Variants in PRKD1 observed in about 807,000 individuals in gnomAD.
PRKD1 encodes the protein serine/threonine-protein kinase D1.
In PRKD1, 63 loss-of-function variants were observed where a neutral mutation model predicts 95.9. The ratio of observed to expected loss-of-function variants is 0.66; its 90% CI spans 0.54 to 0.81. The LOEUF (loss-of-function observed/expected upper bound fraction) is 0.81, where lower values mean the gene tolerates loss of function less well. Ranked by LOEUF, PRKD1 falls within the 30% of genes least tolerant of loss-of-function variation. The probability of loss-of-function intolerance (pLI) is 0.00; values close to 1 mark genes in which losing one functional copy is unlikely to be tolerated. For synonymous variants in PRKD1, 425 were observed against 423.1 expected (o/e 1.00, Z -0.05); for missense variants, 1,048 against 1,165.3 (o/e 0.90, Z 1.47).
intron 2 of PRKD1, among the ~76,000 whole-genome samples, chr14:29,719,789 C>T (rs1039984870): frequency 1.3e-5 from 2 of 152,176 alleles, no homozygotes; most frequent in Admixed American, 1.3e-4. Flanking sequence ...TCTTCCCCCT[C>T]TGTGCAGAGA....
chr14:29,728,043 G>A (rs1177824152), intron 1 of PRKD1, among the ~76,000 whole-genome samples: 3 of 152,052 alleles, frequency 2.0e-5, no homozygotes, highest in Admixed American at 1.3e-4. Context: ...ATAGCATTGG[G>A]AGATATACCT....
intron 1 of PRKD1, among the ~76,000 whole-genome samples, chr14:29,828,470 C>T (rs1157298058): frequency 6.6e-6 from 1 of 152,102 alleles, no homozygotes; most frequent in Non-Finnish European, 1.5e-5. Context: ...CCACCTCTAA[C>T]ATAGAGGTCA....
intron 1 of PRKD1, among the ~76,000 whole-genome samples, chr14:29,915,328 C>T (rs928981702): frequency 2.0e-5 from 3 of 152,052 alleles, no homozygotes; most frequent in African/African-American, 7.2e-5. Context: ...AATTTTGTTA[C>T]CAGAGGAGCA....
chr14:29,917,565 TTC>T (rs34387724), intron 1 of PRKD1, among the ~76,000 whole-genome samples: 1,908 of 152,324 alleles, frequency 0.013, 45 homozygotes, highest in African/African-American at 0.044. Context: ...AGAAATACGT[TTC>T]TGTTTGTGAC....
chr14:29,826,848 T>TATATATACATATATATATACAC lies in PRKD1; in HGVS notation c.264+100400_264+100401insGTGTATATATATATGTATATAT, dbSNP rs1566623234. Among the ~76,000 whole-genome samples, 10 of 68,582 alleles carry TATATATACATATATATATACAC rather than the reference T, an allele frequency of 1.5e-4. 3 individuals carry two copies. The highest frequency in any genetic ancestry group is 8.3e-4 in the African/African-American group (10 of 12,028). The allele number at this position is 68,582 out of a possible 152,430, so 45.0% of individuals were successfully genotyped here. Reference sequence around the variant, plus strand: ...ATATATATATATATATACACACATATATATATATATATATATATATATATA... The same window carrying TATATATACATATATATATACAC: ...ATATATATATATATATACACACATATATATATACATATATATATACACATATATATATATATATATATATATA... On this transcript the variant is annotated intron_variant, in intron 1 of 17. Transcript: ENST00000331968.
chr14:29,798,820 T>C (rs1481138811), intron 1 of PRKD1, among the ~76,000 whole-genome samples: 1 of 152,250 alleles, frequency 6.6e-6, no homozygotes, highest in Non-Finnish European at 1.5e-5. Flanking sequence ...GGAGGAAATC[T>C]TGATTCACAA....
At chr14:29,811,227 T>A (rs1594539794) in intron 1 of PRKD1, among the ~76,000 whole-genome samples, 1 of 152,184 alleles carries the variant, frequency 6.6e-6, no homozygotes, top group Non-Finnish European at 1.5e-5. Flanking sequence ...CTACTTGACA[T>A]CCTTCAGGCA....
At chr14:29,699,354 T>C (rs1184332714) in intron 2 of PRKD1, among the ~76,000 whole-genome samples, 1 of 152,222 alleles carries the variant, frequency 6.6e-6, no homozygotes, top group Non-Finnish European at 1.5e-5. Context: ...TTTTTGACTG[T>C]CTGCTAGGTG....
intron 2 of PRKD1, among the ~76,000 whole-genome samples, chr14:29,723,153 A>C (rs1885979769): frequency 6.6e-6 from 1 of 152,216 alleles, no homozygotes; most frequent in South Asian, 2.1e-4. Flanking sequence ...ACCAAGGATG[A>C]ATGAGTACTT....
intron 2 of PRKD1, among the ~76,000 whole-genome samples, chr14:29,689,521 G>A (rs1392131164): frequency 6.6e-6 from 1 of 152,156 alleles, no homozygotes; most frequent in Non-Finnish European, 1.5e-5. Context: ...TACACTATTA[G>A]TAGAAATATA....
rs45532940 is a variant in PRKD1, at chr14:29,584,146, T to A, written c.2435-5786A>T. ...TTATGTTCTAATATGAAAAGAAGCA[T>A]TCCATCAGAATATGATATAGATTCC... is the stretch of plus-strand genomic sequence containing the variant. On this transcript the variant is annotated intron_variant, in intron 16 of 17. Transcript: ENST00000331968. 4.9e-3 allele frequency among the ~76,000 whole-genome samples: 747 copies of A among 152,330 alleles called. 3 individuals carry two copies. Among genetic ancestry groups the A allele is most frequent in the Middle Eastern group, 0.024 (7 of 294 alleles).
In PRKD1 at chr14:29,676,700, G is replaced by A. The variant is rs553743838; in HGVS notation, c.404-10492C>T. 9.9e-5 allele frequency among the ~76,000 whole-genome samples: 15 copies of A among 152,234 alleles called. No individual in the cohort carries two copies. The East Asian group carries it at 1.2e-3, about 12-fold the overall frequency. On this transcript the variant is annotated intron_variant, in intron 2 of 17. Transcript: ENST00000331968. ...AGTACAAGGTGCAGCTGAGAAAACC[G>A]AGATATTAAGGTAGGGGTGGATGAA...
At chr14:29,888,514 T>C (rs1314045620) in intron 1 of PRKD1, among the ~76,000 whole-genome samples, 1 of 152,124 alleles carries the variant, frequency 6.6e-6, no homozygotes, top group East Asian at 1.9e-4. Flanking sequence ...TGTATTTTAA[T>C]AAAGAAATAT....
chr14:29,868,097 A>C (rs1020315927), intron 1 of PRKD1, among the ~76,000 whole-genome samples: 2 of 152,172 alleles, frequency 1.3e-5, no homozygotes, highest in African/African-American at 4.8e-5. Context: ...CCTCGACTTC[A>C]ATAACAGTCT....
intron 1 of PRKD1, among the ~76,000 whole-genome samples, chr14:29,825,932 G>T (rs1171150862): frequency 4.6e-5 from 7 of 151,738 alleles, no homozygotes; most frequent in African/African-American, 7.3e-5. Flanking sequence ...TAAAACCAAG[G>T]CTTCTTGAGA....
chr14:29,601,387 C>A (rs1431406434), intron 13 of PRKD1, among the ~76,000 whole-genome samples: 2 of 152,190 alleles, frequency 1.3e-5, no homozygotes, highest in South Asian at 2.1e-4. Context: ...AATCATACAG[C>A]ATAATGGAGT....
Position 29,711,228 on chromosome 14 carries a change from T to A in PRKD1, c.403+14308A>T, listed in dbSNP as rs539736614. On this transcript the variant is annotated intron_variant, in intron 2 of 17. Coordinates refer to ENST00000331968, the MANE Select transcript of PRKD1 (RefSeq NM_002742.3). ...TCATTAAAATTTTATAACAATGTTA[T>A]AACATGTTAGAAAGTCCAATGTATT... Among the ~76,000 whole-genome samples, 115 of 152,294 alleles carry A rather than the reference T, an allele frequency of 7.6e-4. 1 individual carries two copies. Among genetic ancestry groups the A allele is most frequent in the African/African-American group, 2.6e-3 (109 of 41,568 alleles).
At position 29,759,781 on chromosome 14, in the gene PRKD1, C is replaced by T. The variant is rs559531000; in HGVS notation, c.265-34107G>A. Among the ~76,000 whole-genome samples the T allele has an allele frequency of 2.6e-5, 4 of 152,188 alleles. 1 individual carries two copies. In the East Asian group the frequency reaches 7.7e-4, roughly 29 times the overall value. The stretch of plus-strand genomic sequence containing the variant: ...TCATCAGGCTCATCTAAATGAAAGC[C>T]TTAGATGAAAGTGAAAAATCGTCAA... On this transcript the variant is annotated intron_variant, in intron 1 of 17. Transcript: ENST00000331968.
chr14:29,609,714 A>ATTT (rs61293890), intron 13 of PRKD1, among the ~76,000 whole-genome samples: 22 of 132,050 alleles, frequency 1.7e-4, no homozygotes, highest in South Asian at 1.4e-3. Flanking sequence ...CTATTTCTTT[A>ATTT]TTTTTTTTTT....
Sources: gnomAD v4.1 joint callset for allele counts (sites outside exome capture counted in the v4.1 genomes callset) on GRCh38, gnomAD v4.1.1 for gene constraint, MANE v1.5 for transcripts, NCBI Gene and HGNC (gene_info 2026-07-23, HGNC 2026-07-21) for gene names.